Variants in ABL2 observed in about 807,000 individuals in gnomAD.
ABL2 encodes tyrosine-protein kinase ABL2.
In ABL2, 49 loss-of-function variants were observed where a neutral mutation model predicts 107.7. The observed-to-expected ratio is 0.45, with a 90% CI of 0.36 to 0.58. ABL2 has a LOEUF of 0.58. Among genes scored for constraint, ABL2 ranks in the 20% least tolerant of loss-of-function variants. ABL2 has a pLI of 0.00. For synonymous variants in ABL2, 549 were observed against 548.6 expected, an observed-to-expected ratio of 1.00 and a Z score of -0.01; for missense variants, 1,245 against 1,457.0, an observed-to-expected ratio of 0.85 and a Z score of 2.37.
chr1:179,213,478 T>C (rs1662400181), intron 1 of ABL2, among the ~76,000 whole-genome samples: 2 of 152,058 alleles, frequency 1.3e-5, no homozygotes, highest in Non-Finnish European at 1.5e-5. Context: ...CTATTTATTT[T>C]TAAATACAGA....
intron 1 of ABL2, among the ~76,000 whole-genome samples, chr1:179,147,841 A>C (rs1557955571): frequency 1.3e-5 from 2 of 152,154 alleles, no homozygotes; most frequent in Non-Finnish European, 2.9e-5. Context: ...CCAAATCTAT[A>C]AACTTTTTTT....
intron 1 of ABL2, among the ~76,000 whole-genome samples, chr1:179,161,527 T>C (rs755567218): frequency 9.2e-5 from 14 of 152,048 alleles, no homozygotes; most frequent in African/African-American, 1.4e-4. Context: ...CTGGGCAACA[T>C]AGTGAGACCT....
intron 1 of ABL2, among the ~76,000 whole-genome samples, chr1:179,151,253 G>A (rs932134388): frequency 3.0e-4 from 45 of 152,204 alleles, no homozygotes; most frequent in African/African-American, 1.1e-3. Context: ...TCAAGATGGC[G>A]TTTTAATCAG....
intron 1 of ABL2, among the ~76,000 whole-genome samples, chr1:179,157,827 C>T (rs1400117575): frequency 1.3e-5 from 2 of 151,974 alleles, no homozygotes; most frequent in African/African-American, 2.4e-5. Context: ...GCGTCAGCCT[C>T]CCAAAGTGCT....
rs1329262152 is a variant in ABL2, at chr1:179,167,980, A to AAAAC, written c.158-34610_158-34607dup. Among the ~76,000 whole-genome samples, 3 of 152,356 alleles carry AAAAC rather than the reference A, an allele frequency of 2.0e-5. No individual in the cohort carries two copies. In the East Asian group the frequency reaches 5.8e-4, roughly 29 times the overall value. The stretch of plus-strand genomic sequence containing the variant: ...GGTGACACAGCAAGACTCCATCTCA[A>AAAAC]AAACAAACAAACAACAACAACAACA... On this transcript the variant is annotated intron_variant, in intron 1 of 11. Coordinates refer to ENST00000502732, the MANE Select transcript of ABL2 (RefSeq NM_007314.4).
chr1:179,109,688 G>T (rs529352593), intron 11 of ABL2, among the ~76,000 whole-genome samples: 6 of 152,208 alleles, frequency 3.9e-5, no homozygotes, highest in Admixed American at 6.5e-5. Flanking sequence ...CAGCACTTTG[G>T]GGGGCTGAGG....
rs118033346 is a variant in ABL2, at chr1:179,214,473, T to C, written c.157+14768A>G. On this transcript the variant is annotated intron_variant, in intron 1 of 11. Coordinates refer to ENST00000502732, the MANE Select transcript of ABL2 (RefSeq NM_007314.4). ...AATAATTAAAATAGTATATTAACAA[T>C]GTGCAGGAGGAGACAAAGATCAATG... Among the ~76,000 whole-genome samples, 26 of 146,382 alleles carry C rather than the reference T, an allele frequency of 1.8e-4. 1 individual carries two copies. In the East Asian group the frequency reaches 5.2e-3, roughly 30 times the overall value.
rs1211783768 is a variant in ABL2 at position 179,229,241 on chromosome 1, C to G, written c.157G>C (p.Asp53His). 1 of 1,517,148 alleles carries G rather than the reference C, an allele frequency of 6.6e-7. No homozygotes were observed. The highest frequency in any genetic ancestry group is 8.8e-7 in the Non-Finnish European group (1 of 1,130,178). 94.0% of individuals were successfully genotyped at this position (1,517,148 alleles called of 1,614,324 possible). A position where few individuals can be genotyped will look rare whatever the true frequency, so the allele number is the denominator to read the frequency against. Reference sequence around the variant, plus strand: ...CATGCCGGCTCCCAGACACACTCACCATGCTGGGTGAAGATATTGAAGCCG... The same window carrying G: ...CATGCCGGCTCCCAGACACACTCACGATGCTGGGTGAAGATATTGAAGCCG... ...ETGFNIFTQH[D>H]HFASCVEDGF... The change falls in exon 1 of 12, where the codon GAT (aspartate) becomes CAT (histidine). Residue 53 changes from aspartate to histidine, a missense_variant and splice_region_variant. Asp to His is a moderately conservative substitution (Grantham distance 81, BLOSUM62 -1). Around this residue, in one of 3 missense-constraint regions of ABL2, gnomAD observed 164 missense variants for 143.7 expected, o/e 1.14. Transcript: ENST00000502732.
At chr1:179,228,303 C>T (rs988996926) in intron 1 of ABL2, among the ~76,000 whole-genome samples, 1 of 151,756 alleles carries the variant, frequency 6.6e-6, no homozygotes, top group Non-Finnish European at 1.5e-5. Flanking sequence ...GCCGACATCC[C>T]GCCATTGCAC....
chr1:179,146,394 T>C (rs570607699), intron 1 of ABL2, among the ~76,000 whole-genome samples: 2 of 152,160 alleles, frequency 1.3e-5, no homozygotes, highest in Non-Finnish European at 2.9e-5. Context: ...TAGATGGCCA[T>C]GTAATTCACT....
chr1:179,203,606 T>C (rs1046970230), intron 1 of ABL2, among the ~76,000 whole-genome samples: 1 of 152,138 alleles, frequency 6.6e-6, no homozygotes, highest in African/African-American at 2.4e-5. Flanking sequence ...TAACAAGCTA[T>C]GCAAAGAAGC....
At chr1:179,183,866 G>A (rs558445756) in intron 1 of ABL2, 45 of 216,230 alleles carry the variant, frequency 2.1e-4, no homozygotes, top group African/African-American at 8.7e-4. Flanking sequence ...TAGTCTCCAC[G>A]CCCACCTCAA....
chr1:179,225,738 C>A (rs552280016), intron 1 of ABL2, among the ~76,000 whole-genome samples: 1 of 151,948 alleles, frequency 6.6e-6, no homozygotes, highest in Non-Finnish European at 1.5e-5. Context: ...TCAATGCCGC[C>A]GAGGTTAAGA....
intron 10 of ABL2, 133 bp downstream of exon 10, chr1:179,112,176 C>A: frequency 1.5e-6 from 1 of 671,674 alleles, no homozygotes; most frequent in Non-Finnish European, 2.6e-6. Flanking sequence ...GATGCAATGT[C>A]CTTGTAGTTA....
chr1:179,132,895 G>T (rs1250694588), intron 2 of ABL2, among the ~76,000 whole-genome samples: 2 of 150,798 alleles, frequency 1.3e-5, no homozygotes, highest in East Asian at 3.9e-4. Flanking sequence ...GTCTTGTTTT[G>T]TTGCCCAGGC....
At chr1:179,177,606 G>T (rs1369865885) in intron 1 of ABL2, among the ~76,000 whole-genome samples, 2 of 152,104 alleles carry the variant, frequency 1.3e-5, no homozygotes, top group Non-Finnish European at 2.9e-5. Context: ...TTAATTGGAG[G>T]TGGTAAAACA....
chr1:179,118,825 T>A, intron 6 of ABL2, 61 bp from the exon 7 acceptor site: 1 of 1,547,348 alleles, frequency 6.5e-7, no homozygotes, highest in Non-Finnish European at 8.8e-7. Context: ...CCAAACCACT[T>A]TGGCCAAGAA....
At chr1:179,110,237 A>G in intron 11 of ABL2, 45 bp downstream of exon 11, 1 of 1,609,792 alleles carries the variant, frequency 6.2e-7, no homozygotes, top group Middle Eastern at 1.7e-4. Context: ...GCTTCTTTAA[A>G]CAAGGCAGTT....
chr1:179,124,826 T>A (rs1655588353), intron 4 of ABL2, among the ~76,000 whole-genome samples: 1 of 152,210 alleles, frequency 6.6e-6, no homozygotes, highest in Non-Finnish European at 1.5e-5. Flanking sequence ...TCTGCTTTTT[T>A]CCACCCAACT....
Sources: gnomAD v4.1 joint callset for allele counts (sites outside exome capture counted in the v4.1 genomes callset) on GRCh38, gnomAD v4.1.1 for gene constraint, gnomAD v4.1.1 regional missense constraint, MANE v1.5 for transcripts, NCBI Gene and HGNC (gene_info 2026-07-23, HGNC 2026-07-21) for gene names.